PER3: variants seen among roughly 807,000 people sequenced by gnomAD.
PER3 encodes period circadian protein homolog 3.
Under a neutral mutation model 127.2 loss-of-function variants are expected in PER3, and 107 were observed. The ratio of observed to expected loss-of-function variants is 0.84; its 90% confidence interval spans 0.72 to 0.99. The LOEUF is 0.99. Ranked by LOEUF, PER3 falls within the 50% of genes least tolerant of loss-of-function variation. The probability of loss-of-function intolerance (pLI) is 0.00; values close to 1 mark genes in which losing one functional copy is unlikely to be tolerated. For synonymous variants in PER3, 618 were observed against 585.8 expected (o/e 1.05, Z -0.79); for missense variants, 1,560 against 1,525.8 (o/e 1.02, Z -0.37).
intron 6 of PER3, among the ~76,000 whole-genome samples, chr1:7,796,680 A>G (rs1050113610): frequency 6.6e-6 from 1 of 152,102 alleles, no homozygotes; most frequent in Non-Finnish European, 1.5e-5. Flanking sequence ...TGGAGGGGGA[A>G]GAAGGGAGGC....
Position 7,827,118 on chromosome 1 carries a change from GAGATTCTACTTCCAAGC to G in PER3, c.2193_2209del (p.Ser732AlafsTer125). On this transcript the variant is annotated frameshift_variant and splice_region_variant, in exon 18 of 22. Coordinates refer to ENST00000377532, the MANE Select transcript of PER3 (RefSeq NM_001377275.1). LOFTEE classifies it high-confidence loss of function. ...TTTGCCTCTACCTTTATCCTTCCAG[GAGATTCTACTTCCAAGC>G]AGACGCGGTCGGCCGGCTGCAGGAA... 1.3e-6 allele frequency: 2 copies of G among 1,584,308 alleles called. No homozygotes were observed. Among genetic ancestry groups the G allele is most frequent in the Non-Finnish European group, 1.7e-6 (2 of 1,166,724 alleles).
chr1:7,837,951 A>G (rs1030902278), intron 21 of PER3, among the ~76,000 whole-genome samples: 4 of 152,108 alleles, frequency 2.6e-5, no homozygotes, highest in Non-Finnish European at 5.9e-5. Context: ...TATAGTCCCA[A>G]CTACTCAGGA....
intron 5 of PER3, among the ~76,000 whole-genome samples, chr1:7,789,140 A>AAAATATATATATAT (rs1553301245): frequency 1.5e-5 from 2 of 133,160 alleles, no homozygotes; most frequent in Non-Finnish European, 3.3e-5. Context: ...AGAGCTTTAA[A>AAAATATATATATAT]ATATATATAT....
intron 9 of PER3, 100 bp from the exon 10 acceptor site, chr1:7,803,587 CAAAAA>C (rs936003618): frequency 1.3e-6 from 1 of 746,680 alleles, no homozygotes; most frequent in South Asian, 2.0e-5. Flanking sequence ...GACTCAATCT[CAAAAA>C]AAACCACTAA....
chr1:7,842,789 A>C lies in PER3; in HGVS notation c.*34A>C. The C allele has an allele frequency of 6.3e-7, 1 of 1,596,506 alleles. No individual in the cohort carries two copies. Among genetic ancestry groups the C allele is most frequent in the Non-Finnish European group, 8.6e-7 (1 of 1,166,574 alleles). On this transcript the variant is annotated 3_prime_UTR_variant, in exon 22 of 22. Coordinates refer to ENST00000377532, the MANE Select transcript of PER3 (RefSeq NM_001377275.1). ...GAGGATGAACCTTCATACCCTTTCC[A>C]AGACGTGTTACACAGACAGACCTTT...
Position 7,842,789 on chromosome 1 carries a change from A to T in PER3, c.*34A>T. 6.3e-7 allele frequency: 1 copy of T among 1,596,504 alleles called. No individual in the cohort carries two copies. The highest frequency in any genetic ancestry group is 8.6e-7 in the Non-Finnish European group (1 of 1,166,572). On this transcript the variant is annotated 3_prime_UTR_variant, in exon 22 of 22. Transcript: ENST00000377532. Reference sequence around the variant, plus strand: ...GAGGATGAACCTTCATACCCTTTCCAAGACGTGTTACACAGACAGACCTTT... The same window carrying T: ...GAGGATGAACCTTCATACCCTTTCCTAGACGTGTTACACAGACAGACCTTT...
chr1:7,828,118 A>C (rs2097311795), intron 18 of PER3, among the ~76,000 whole-genome samples: 1 of 152,210 alleles, frequency 6.6e-6, no homozygotes, highest in Non-Finnish European at 1.5e-5. Flanking sequence ...AATTCGTTAC[A>C]GGTATTACGC....
intron 5 of PER3, among the ~76,000 whole-genome samples, chr1:7,789,229 C>T (rs1484148687): frequency 1.3e-5 from 2 of 151,628 alleles, no homozygotes; most frequent in Admixed American, 1.3e-4. Flanking sequence ...AAAACACATA[C>T]AGTTTACTAT....
intron 16 of PER3, among the ~76,000 whole-genome samples, chr1:7,823,958 GAATTA>G (rs1249859606): frequency 1.3e-5 from 2 of 152,116 alleles, no homozygotes; most frequent in Admixed American, 6.5e-5. Flanking sequence ...TCTGGCTAGT[GAATTA>G]AATTAAAAAT....
chr1:7,806,728 A>G (rs1339347802), intron 10 of PER3, among the ~76,000 whole-genome samples: 1 of 150,108 alleles, frequency 6.7e-6, no homozygotes, highest in African/African-American at 2.4e-5. Flanking sequence ...CAGGTGTTCA[A>G]GGCAGTAGTG....
At chr1:7,790,430 G>A (rs550904490) in intron 5 of PER3, among the ~76,000 whole-genome samples, 1 of 152,204 alleles carries the variant, frequency 6.6e-6, no homozygotes, top group South Asian at 2.1e-4. Context: ...ACAGCATGGG[G>A]GAAACTGCCC....
chr1:7,829,173 C>T (rs1329450716), intron 18 of PER3, among the ~76,000 whole-genome samples: 1 of 152,082 alleles, frequency 6.6e-6, no homozygotes, highest in Non-Finnish European at 1.5e-5. Context: ...TGCCGGAAAC[C>T]GTGGGTAGTT....
intron 19 of PER3, among the ~76,000 whole-genome samples, chr1:7,834,620 T>C (rs1454800675): frequency 4.6e-5 from 7 of 152,106 alleles, no homozygotes; most frequent in African/African-American, 1.7e-4. Context: ...CACACTCAGC[T>C]AATTTTTTAT....
chr1:7,802,491 C>T (rs1276516942), intron 8 of PER3, among the ~76,000 whole-genome samples: 1 of 152,214 alleles, frequency 6.6e-6, no homozygotes, highest in African/African-American at 2.4e-5. Flanking sequence ...TCTCGAACTC[C>T]TGACCTCAGG....
intron 16 of PER3, among the ~76,000 whole-genome samples, chr1:7,824,406 T>G (rs2097291870): frequency 6.6e-6 from 1 of 152,220 alleles, no homozygotes; most frequent in Non-Finnish European, 1.5e-5. Context: ...AGCTGTACAG[T>G]AAGTCTTGAA....
chr1:7,792,479 C>T (rs1173438975), intron 5 of PER3, among the ~76,000 whole-genome samples: 1 of 152,188 alleles, frequency 6.6e-6, no homozygotes, highest in African/African-American at 2.4e-5. Context: ...TGAAATAATT[C>T]TTTTGGATCT....
chr1:7,796,774 G>A (rs1198316058), intron 6 of PER3, among the ~76,000 whole-genome samples: 13 of 152,114 alleles, frequency 8.5e-5, no homozygotes, highest in Non-Finnish European at 1.9e-4. Flanking sequence ...GTATATTCTG[G>A]ATATTTTTTA....
intron 16 of PER3, among the ~76,000 whole-genome samples, chr1:7,825,891 C>CAA (rs33950591): frequency 0.56 from 78,297 of 140,696 alleles, 21,886 homozygotes; most frequent in Middle Eastern, 0.69. Flanking sequence ...AACTCCATCT[C>CAA]AAAAAAAAAA....
At position 7,794,102 on chromosome 1, in the gene PER3, T is replaced by A; in HGVS notation, c.644+94T>A. On this transcript the variant is annotated intron_variant, in intron 6 of 21. Coordinates refer to ENST00000377532, the MANE Select transcript of PER3 (RefSeq NM_001377275.1). ...GATTCTTGTGTATTCAGCTCACTTC[T>A]GTTGCGAGATACAAAAAATAAGACT... 3.0e-6 allele frequency: 3 copies of A among 983,702 alleles called. No homozygotes were observed. In the South Asian group the frequency reaches 3.9e-5, roughly 13 times the overall value. The allele number at this position is 983,702 out of a possible 1,614,324, so 60.9% of individuals were successfully genotyped here. A position where few individuals can be genotyped will look rare whatever the true frequency, so the allele number is the denominator to read the frequency against.
Sources: allele counts gnomAD v4.1 joint callset (sites outside exome capture counted in the v4.1 genomes callset), GRCh38; gene constraint gnomAD v4.1.1; transcripts MANE v1.5; gene names NCBI Gene and HGNC (gene_info 2026-07-23, HGNC 2026-07-21).